Variants in DUOXA1 observed in about 807,000 individuals in gnomAD.
The protein encoded by DUOXA1 is dual oxidase activator 1.
Under a neutral mutation model 26.6 loss-of-function variants are expected in DUOXA1, and 19 were observed. The observed-to-expected ratio is 0.71, with a 90% CI of 0.50 to 1.05. The LOEUF is 1.05. DUOXA1 is among the 50% of genes least tolerant of loss of function. The probability of loss-of-function intolerance (pLI) is 0.00; values close to 1 mark genes in which losing one functional copy is unlikely to be tolerated. For missense variants in DUOXA1, 403 were observed against 427.5 expected, an observed-to-expected ratio of 0.94 and a Z score of 0.51; for synonymous variants, 166 against 177.0, an observed-to-expected ratio of 0.94 and a Z score of 0.49.
intron 3 of DUOXA1, among the ~76,000 whole-genome samples, chr15:45,126,271 C>A (rs1220142164): frequency 6.6e-6 from 1 of 152,210 alleles, no homozygotes; most frequent in African/African-American, 2.4e-5. Context: ...TGCTTTATAA[C>A]CCGGTTCCAC....
rs757575945 is a variant in DUOXA1, at chr15:45,119,319, C to T, written c.819G>A (p.Arg273=). The part of the protein sequence containing the change: ...LLGLAMAVAH[R]MQPHRLKAFF... ...AAGCCTTCAGCCTGTGAGGCTGCATCCTGTGGGCCACCGCCATAGCCAGGC... is the reference window on the plus strand; with the variant it reads ...AAGCCTTCAGCCTGTGAGGCTGCATTCTGTGGGCCACCGCCATAGCCAGGC... Residue 273 remains arginine, a synonymous_variant, in exon 9 of 9, where the codon AGG becomes AGA. Transcript: ENST00000560572. 1.9e-6 allele frequency: 3 copies of T among 1,613,746 alleles called. No homozygotes were observed. The highest frequency in any genetic ancestry group is 2.5e-6 in the Non-Finnish European group (3 of 1,179,856).
rs60731128 is a variant in DUOXA1 at position 45,118,643 on chromosome 15, A to G, written c.*463T>C. ...TTCCAGTGCTGTCTTTCATTGTACC[A>G]AAAGGCCACACAAGCTGGAGAAGTA... is the stretch of plus-strand genomic sequence containing the variant. On this transcript the variant is annotated 3_prime_UTR_variant, in exon 9 of 9. Transcript: ENST00000560572. 8,690 of 991,072 alleles carry G rather than the reference A, an allele frequency of 8.8e-3. 622 individuals are homozygous for G. The African/African-American group carries it at 0.14, about 16-fold the overall frequency. The allele number at this position is 991,072 out of a possible 1,614,324, so 61.4% of individuals were successfully genotyped here.
chr15:45,123,035 G>T lies in DUOXA1; in HGVS notation c.-21C>A, dbSNP rs376538112. The T allele has an allele frequency of 4.4e-6, 7 of 1,598,762 alleles. No individual in the cohort carries two copies. Among genetic ancestry groups the T allele is most frequent in the East Asian group, 2.2e-5 (1 of 44,452 alleles). ...GCCATCTTGGTGAGGTGGTGCAGGG[G>T]GGGCAATGCTGTACAACAACAATAG... On this transcript the variant is annotated 5_prime_UTR_variant, in exon 4 of 9. Transcript: ENST00000560572.
chr15:45,127,595 T>G (rs551604404), intron 3 of DUOXA1, among the ~76,000 whole-genome samples: 1 of 152,320 alleles, frequency 6.6e-6, no homozygotes, highest in African/African-American at 2.4e-5. Flanking sequence ...TGACCCTAAT[T>G]TTGTTTTCAT....
chr15:45,121,126 G>A lies in DUOXA1; in HGVS notation c.301C>T (p.Leu101=). The A allele has an allele frequency of 6.2e-7, 1 of 1,614,160 alleles. No individual in the cohort carries two copies. ...TTGACTCCACCCAGCCCGACCTGCA[G>A]CCCAATATCAGCGCTGATCCACTCA... ...SSEWISADIG[L]QVGLGGVNIT... is the part of the protein sequence containing the mutation. Residue 101 remains leucine, a synonymous_variant, in exon 6 of 9, where the codon CTG becomes TTG. Coordinates refer to ENST00000560572, the MANE Select transcript of DUOXA1 (RefSeq NM_001276266.2).
chr15:45,127,077 A>C (rs139613845), intron 3 of DUOXA1, among the ~76,000 whole-genome samples: 53 of 152,360 alleles, frequency 3.5e-4, no homozygotes, highest in African/African-American at 1.2e-3. Context: ...TGACGTAAGA[A>C]TTCTTTATTT....
chr15:45,120,721 T>C lies in DUOXA1; in HGVS notation c.425A>G (p.Tyr142Cys). 3 of 1,614,122 alleles carry C rather than the reference T, an allele frequency of 1.9e-6. No homozygotes were observed. Among genetic ancestry groups the C allele is most frequent in the Non-Finnish European group, 2.5e-6 (3 of 1,180,008 alleles). The change falls in exon 7 of 9, where the codon TAT becomes TGT. Residue 142 changes from tyrosine (Y) to cysteine (C), a missense_variant. Coordinates refer to ENST00000560572, the MANE Select transcript of DUOXA1 (RefSeq NM_001276266.2). Reference sequence around the variant, plus strand: ...CAGCCCCTTCTCCAGAGCCTTTGCATACTCCTCAGCATAGTTCTCACCCAG... The same window carrying C: ...CAGCCCCTTCTCCAGAGCCTTTGCACACTCCTCAGCATAGTTCTCACCCAG... The part of the protein sequence containing the change: ...WRLGENYAEE[Y>C]AKALEKGLPD...
At chr15:45,119,401 C>T (rs374779282) in intron 8 of DUOXA1, 36 bp from the exon 9 acceptor site, 4 of 1,564,550 alleles carry the variant, frequency 2.6e-6, no homozygotes, top group Non-Finnish European at 3.5e-6. Context: ...CACCTTAGTG[C>T]TAGTAACACC....
intron 3 of DUOXA1, among the ~76,000 whole-genome samples, chr15:45,125,960 T>C (rs1017227276): frequency 3.9e-5 from 6 of 152,214 alleles, no homozygotes; most frequent in Non-Finnish European, 5.9e-5. Context: ...CCTTGATGCC[T>C]GAAATTTTAA....
chr15:45,125,038 C>T (rs777649120), intron 3 of DUOXA1, among the ~76,000 whole-genome samples: 29 of 152,156 alleles, frequency 1.9e-4, no homozygotes, highest in Non-Finnish European at 4.0e-4. Flanking sequence ...CTAAGCTGGC[C>T]ACCTTCTTGT....
intron 4 of DUOXA1, 117 bp from the exon 5 acceptor site, chr15:45,122,359 G>A: frequency 1.0e-6 from 1 of 959,262 alleles, no homozygotes; most frequent in Non-Finnish European, 1.6e-6. Context: ...TTGGTCAATT[G>A]AAATCAGAGT....
In DUOXA1 at chr15:45,120,621, C is replaced by T; in HGVS notation, c.525G>A (p.Leu175=). The stretch of plus-strand genomic sequence containing the variant: ...GCATGGCTGAGGTGTAGTGTCCCGC[C>T]AGGCGGTACTGGCGGTATAGGCCAC... ...SPCGLYRQYR[L]AGHYTSAMLW... is the part of the protein sequence containing the mutation. Residue 175 remains leucine, a synonymous_variant, in exon 7 of 9, where the codon CTG becomes CTA. Transcript: ENST00000560572. 6.2e-7 allele frequency: 1 copy of T among 1,614,130 alleles called. No homozygotes were observed. The highest frequency in any genetic ancestry group is 8.5e-7 in the Non-Finnish European group (1 of 1,180,000).
intron 4 of DUOXA1, 140 bp from the exon 5 acceptor site, chr15:45,122,382 ATAAGTGCTTATGTAT>A (rs1334983717): frequency 2.5e-6 from 2 of 789,622 alleles, no homozygotes; most frequent in Non-Finnish European, 4.3e-6. Flanking sequence ...CTGGCACATA[ATAAGTGCTTATGTAT>A]TTATGTATGC....
chr15:45,128,390 G>T (rs914918283), intron 3 of DUOXA1, among the ~76,000 whole-genome samples: 1 of 152,182 alleles, frequency 6.6e-6, no homozygotes, highest in African/African-American at 2.4e-5. Flanking sequence ...CTCCACAAGT[G>T]GGGAGTGGGT....
At position 45,119,178 on chromosome 15, in the gene DUOXA1, G is replaced by C; in HGVS notation, c.960C>G (p.Pro320=). Residue 320 remains proline (P), a synonymous_variant, in exon 9 of 9, where the codon CCC becomes CCG. Transcript: ENST00000560572. ...MADSPKSQDI[P]LSEASSTKAY... Reference sequence around the variant, plus strand: ...CCTTGGTGGAGGAAGCCTCTGACAGGGGAATGTCCTGGGACTTGGGACTGT... The same window carrying C: ...CCTTGGTGGAGGAAGCCTCTGACAGCGGAATGTCCTGGGACTTGGGACTGT... 1 of 1,612,432 alleles carries C rather than the reference G, an allele frequency of 6.2e-7. No individual in the cohort carries two copies. Among genetic ancestry groups the C allele is most frequent in the East Asian group, 2.2e-5 (1 of 44,792 alleles).
chr15:45,120,197 C>T lies in DUOXA1; in HGVS notation c.678G>A (p.Met226Ile). Residue 226 changes from methionine to isoleucine, a missense_variant, in exon 8 of 9, where the codon ATG (methionine) becomes ATA (isoleucine). By Grantham distance (10) the Met-to-Ile change is conservative. Transcript: ENST00000560572. ...GACAGGGTGAGGTGAGTGATGTGGC[C>T]ATGGAGAAGAAGAGCAGAGCCAACA... ...FQLLALLFFSMATSLTSPCPL... is the reference protein window; with the variant it reads ...FQLLALLFFSIATSLTSPCPL... 6.2e-7 allele frequency: 1 copy of T among 1,614,038 alleles called. No homozygotes were observed. The highest frequency in any genetic ancestry group is 8.5e-7 in the Non-Finnish European group (1 of 1,179,990).
intron 3 of DUOXA1, among the ~76,000 whole-genome samples, chr15:45,126,510 T>C (rs1450459900): frequency 6.6e-6 from 1 of 152,244 alleles, no homozygotes; most frequent in Non-Finnish European, 1.5e-5. Context: ...ATGTAGAGGT[T>C]CCCACTTTGA....
intron 3 of DUOXA1, among the ~76,000 whole-genome samples, chr15:45,127,622 C>T (rs764955619): frequency 1.3e-5 from 2 of 152,132 alleles, no homozygotes; most frequent in African/African-American, 2.4e-5. Context: ...GCTAACAGGG[C>T]TCATGCATGA....
chr15:45,120,691 T>C lies in DUOXA1; in HGVS notation c.455A>G (p.Asp152Gly). The C allele has an allele frequency of 6.2e-7, 1 of 1,614,050 alleles. No homozygotes were observed. Among genetic ancestry groups the C allele is most frequent in the Non-Finnish European group, 8.5e-7 (1 of 1,179,982 alleles). Reference sequence around the variant, plus strand: ...CTTCTCAGCTAGGTACAACACAGGGTCTGGCAGCCCCTTCTCCAGAGCCTT... The same window carrying C: ...CTTCTCAGCTAGGTACAACACAGGGCCTGGCAGCCCCTTCTCCAGAGCCTT... The part of the protein sequence containing the change: ...YAKALEKGLP[D>G]PVLYLAEKFT... Residue 152 changes from aspartate (D) to glycine (G), a missense_variant, in exon 7 of 9, where the codon GAC (aspartate) becomes GGC (glycine). Physicochemically the swap from Asp to Gly is moderately conservative, Grantham distance 94. Coordinates refer to ENST00000560572, the MANE Select transcript of DUOXA1 (RefSeq NM_001276266.2).
Sources: gnomAD v4.1 joint callset for allele counts (sites outside exome capture counted in the v4.1 genomes callset) on GRCh38, gnomAD v4.1.1 for gene constraint, MANE v1.5 for transcripts, NCBI Gene and HGNC (gene_info 2026-07-23, HGNC 2026-07-21) for gene names.